The following DNAH9 variants were observed in gnomAD, a reference collection of about 807,000 sequenced individuals.
DNAH9 encodes dynein axonemal heavy chain 9, also known as DNAH9 variant protein.
Under a neutral mutation model 471.6 loss-of-function variants are expected in DNAH9, and 345 were observed. The ratio of observed to expected loss-of-function variants is 0.73; its 90% CI spans 0.67 to 0.80. DNAH9 has a LOEUF of 0.80. Ranked by LOEUF, DNAH9 falls within the 30% of genes least tolerant of loss-of-function variation. The pLI, the probability that DNAH9 is intolerant of heterozygous loss-of-function variation, is 0.00. For synonymous variants in DNAH9, 2,093 were observed against 2,123.6 expected (o/e 0.99, Z 0.40); for missense variants, 5,407 against 5,609.2 (o/e 0.96, Z 1.15).
At chr17:11,844,348 T>C (rs1181345611) in intron 49 of DNAH9, among the ~76,000 whole-genome samples, 1 of 152,200 alleles carries the variant, frequency 6.6e-6, no homozygotes, top group Non-Finnish European at 1.5e-5. Flanking sequence ...ATTTTGTACA[T>C]TAATATATTA....
In DNAH9 at chr17:11,689,675, A is replaced by C; in HGVS notation, c.3853A>C (p.Asn1285His). 1 of 1,614,120 alleles carries C rather than the reference A, an allele frequency of 6.2e-7. No individual in the cohort carries two copies. Residue 1285 changes from asparagine to histidine, a missense_variant, in exon 20 of 69, where the codon AAT (asparagine) becomes CAT (histidine). Asn to His is a moderately conservative substitution (Grantham distance 68). Transcript: ENST00000262442. ...ISESASLFEV[N>H]VPDYKQLRQC... ...TGAGTCTGCCAGCTTATTTGAAGTC[A>C]ATGTCCCTGACTATAAGCAGCTGAG...
chr17:11,942,699 G>T (rs541630210), intron 67 of DNAH9, among the ~76,000 whole-genome samples: 1 of 152,076 alleles, frequency 6.6e-6, no homozygotes, highest in African/African-American at 2.4e-5. Context: ...GACATTTCTC[G>T]TCAACAAGGA....
At chr17:11,810,549 CT>C (rs1360500043) in intron 45 of DNAH9, among the ~76,000 whole-genome samples, 180 bp downstream of exon 45, 1 of 152,164 alleles carries the variant, frequency 6.6e-6, no homozygotes, top group Non-Finnish European at 1.5e-5. Context: ...GCCTGCTATC[CT>C]GGCTCTTTCA....
intron 10 of DNAH9, among the ~76,000 whole-genome samples, chr17:11,643,363 C>A (rs539713387): frequency 6.6e-6 from 1 of 152,254 alleles, no homozygotes; most frequent in African/African-American, 2.4e-5. Flanking sequence ...CATGTAAAAA[C>A]GTGAAGAAGT....
In DNAH9 at chr17:11,937,314, C is replaced by A; in HGVS notation, c.12490-38C>A. ...CGGTGTGGGAGATGGGAGGTACGTC[C>A]TGGTTTCTTTTTAAGTGAGCTTGCC... On this transcript the variant is annotated intron_variant, in intron 65 of 68. Coordinates refer to ENST00000262442, the MANE Select transcript of DNAH9 (RefSeq NM_001372.4). The surrounding 1 kb of genome is among the most constrained non-coding windows in gnomAD (Gnocchi z 4.1). 1 of 1,574,022 alleles carries A rather than the reference C, an allele frequency of 6.4e-7. No individual in the cohort carries two copies. Among genetic ancestry groups the A allele is most frequent in the Middle Eastern group, 1.7e-4 (1 of 5,814 alleles).
At chr17:11,686,109 C>T (rs1051684032) in intron 19 of DNAH9, among the ~76,000 whole-genome samples, 1 of 152,030 alleles carries the variant, frequency 6.6e-6, no homozygotes, top group African/African-American at 2.4e-5. Flanking sequence ...TTTTATGCTA[C>T]CTGGTGGGTA....
intron 6 of DNAH9, among the ~76,000 whole-genome samples, chr17:11,624,249 C>T (rs570743738): frequency 8.5e-5 from 13 of 152,354 alleles, no homozygotes; most frequent in African/African-American, 2.9e-4. Context: ...TGGCTTACGC[C>T]TGTAATCCCA....
chr17:11,614,882 C>A (rs1462942754), intron 4 of DNAH9, among the ~76,000 whole-genome samples: 1 of 152,216 alleles, frequency 6.6e-6, no homozygotes, highest in Non-Finnish European at 1.5e-5. Context: ...AAGGCACCAA[C>A]TCTTAACACC....
At chr17:11,803,592 C>T (rs1430002023) in intron 43 of DNAH9, among the ~76,000 whole-genome samples, 1 of 152,198 alleles carries the variant, frequency 6.6e-6, no homozygotes, top group African/African-American at 2.4e-5. Flanking sequence ...AATTTAAATG[C>T]AGAGTTCTTT....
chr17:11,936,419 G>T (rs1391321154), intron 65 of DNAH9, among the ~76,000 whole-genome samples: 2 of 152,136 alleles, frequency 1.3e-5, no homozygotes, highest in Non-Finnish European at 2.9e-5. Flanking sequence ...CACTTGAGCT[G>T]ATGAGTTAGA....
chr17:11,849,545 T>C (rs1410073602), intron 49 of DNAH9, among the ~76,000 whole-genome samples: 2 of 152,220 alleles, frequency 1.3e-5, no homozygotes, highest in Non-Finnish European at 2.9e-5. Context: ...CCAAGCTTGC[T>C]TCTGCCACAG....
intron 43 of DNAH9, among the ~76,000 whole-genome samples, chr17:11,805,822 G>T (rs1482920961): frequency 2.0e-5 from 3 of 151,944 alleles, no homozygotes; most frequent in African/African-American, 7.2e-5. Context: ...CAAAGTGCTG[G>T]GATTACAGGC....
rs201021201 is a variant in DNAH9 at position 11,640,302 on chromosome 17, G to A, written c.1819G>A (p.Val607Met). 6.5e-5 allele frequency: 105 copies of A among 1,613,918 alleles called. No homozygotes were observed. Among genetic ancestry groups the A allele is most frequent in the South Asian group, 5.6e-4 (51 of 91,066 alleles). The part of the protein sequence containing the change: ...FSPVHKNMPT[V>M]AGGLRWAQEL... ...CCCGGTGCACAAGAACATGCCCACC[G>A]TGGCTGGCGGCCTCCGCTGGGCACA... The change falls in exon 10 of 69, where the codon GTG (valine) becomes ATG (methionine). Residue 607 changes from valine (V) to methionine (M), a missense_variant. Transcript: ENST00000262442.
intron 6 of DNAH9, among the ~76,000 whole-genome samples, chr17:11,621,370 T>G (rs1464457648): frequency 1.5e-5 from 2 of 137,170 alleles, no homozygotes; most frequent in Non-Finnish European, 3.0e-5. Context: ...ATCGCGCCAT[T>G]GCACTCCAGC....
intron 59 of DNAH9, among the ~76,000 whole-genome samples, chr17:11,901,699 AC>A (rs1278440562): frequency 6.6e-6 from 1 of 152,202 alleles, no homozygotes; most frequent in Non-Finnish European, 1.5e-5. Flanking sequence ...CCGTCTCAAA[AC>A]AAAACAAAAC....
intron 62 of DNAH9, among the ~76,000 whole-genome samples, chr17:11,924,570 C>T (rs1244767711): frequency 6.8e-6 from 1 of 146,656 alleles, no homozygotes; most frequent in Non-Finnish European, 1.5e-5. Flanking sequence ...TAAATTATTT[C>T]ATTTAACCAA....
chr17:11,930,056 A>C lies in DNAH9; in HGVS notation c.12068A>C (p.His4023Pro). 1 of 1,614,148 alleles carries C rather than the reference A, an allele frequency of 6.2e-7. No homozygotes were observed. The highest frequency in any genetic ancestry group is 8.5e-7 in the Non-Finnish European group (1 of 1,180,016). The part of the protein sequence containing the change: ...KITNEPPTGM[H>P]ANLHKALDNF... ...ACCAATGAGCCCCCCACGGGCATGCATGCCAACCTGCACAAGGCCCTGGAC... is the reference window on the plus strand; with the variant it reads ...ACCAATGAGCCCCCCACGGGCATGCCTGCCAACCTGCACAAGGCCCTGGAC... The change falls in exon 63 of 69, where the codon CAT (histidine) becomes CCT (proline). Residue 4023 changes from histidine (H) to proline (P), a missense_variant. By Grantham distance (77) the His-to-Pro change is moderately conservative. Around this residue, in one of 3 missense-constraint regions of DNAH9, gnomAD observed 4,636 missense variants for 4,900.3 expected, o/e 0.95. Coordinates refer to ENST00000262442, the MANE Select transcript of DNAH9 (RefSeq NM_001372.4).
rs1460462498 is a variant in DNAH9, at chr17:11,892,959, A to G, written c.11283+1012A>G. Among the ~76,000 whole-genome samples, 8 of 151,976 alleles carry G rather than the reference A, an allele frequency of 5.3e-5. No homozygotes were observed. In the East Asian group the frequency reaches 7.7e-4, roughly 15 times the overall value. ...ATTATCTCGAAGGCCCTTTCCTTGA[A>G]TCTTCTGATCCGTAGTCAGACACGT... On this transcript the variant is annotated intron_variant, in intron 58 of 68. Transcript: ENST00000262442. This position sits in a 1 kb window ranked among gnomAD's most constrained non-coding sequence, Gnocchi z 4.3.
intron 47 of DNAH9, 54 bp from the exon 48 acceptor site, chr17:11,822,747 G>A (rs1024136664): frequency 1.1e-5 from 17 of 1,599,910 alleles, no homozygotes; most frequent in Non-Finnish European, 1.4e-5. Context: ...GTGAGCAGTT[G>A]CCTCCAATCT....
Sources: gnomAD v4.1 joint callset for allele counts (sites outside exome capture counted in the v4.1 genomes callset) on GRCh38, gnomAD v4.1.1 for gene constraint, gnomAD v4.1.1 regional missense constraint, Gnocchi (gnomAD v3.1) non-coding constraint, MANE v1.5 for transcripts, NCBI Gene and HGNC (gene_info 2026-07-23, HGNC 2026-07-21) for gene names.